The following SYNJ1 variants were observed in gnomAD, a reference collection of about 807,000 sequenced individuals.
The protein encoded by SYNJ1 is polyphosphatidylinositol phosphatase SYNJ1.
In SYNJ1, 78 loss-of-function variants were observed where a neutral mutation model predicts 168.2. The observed-to-expected ratio is 0.46, with a 90% CI of 0.39 to 0.56. The LOEUF (loss-of-function observed/expected upper bound fraction) is 0.56. SYNJ1 is among the 20% of genes least tolerant of loss of function. The probability of loss-of-function intolerance (pLI) is 0.00; values close to 1 mark genes in which losing one functional copy is unlikely to be tolerated. For missense variants in SYNJ1, 1,303 were observed against 1,597.6 expected (o/e 0.82, Z 3.14); for synonymous variants, 539 against 548.6 (o/e 0.98, Z 0.24).
chr21:32,666,299 C>T lies in SYNJ1; in HGVS notation c.1952+134G>A, dbSNP rs1031518931. The T allele has an allele frequency of 4.8e-6, 7 of 1,459,874 alleles. No individual in the cohort carries two copies. In the African/African-American group the frequency reaches 7.1e-5, roughly 15 times the overall value. 90.4% of individuals were successfully genotyped at this position (1,459,874 alleles called of 1,614,324 possible). ...GCTATTGGTGAGTCTTTAATCAAAA[C>T]CCCCAAAACCCCATTTTAAAACAAG... On this transcript the variant is annotated intron_variant, in intron 16 of 32. Coordinates refer to ENST00000674351, the MANE Select transcript of SYNJ1 (RefSeq NM_203446.3).
At chr21:32,651,588 T>C (rs2040271988) in intron 22 of SYNJ1, among the ~76,000 whole-genome samples, 1 of 152,236 alleles carries the variant, frequency 6.6e-6, no homozygotes, top group South Asian at 2.1e-4. Flanking sequence ...AATTCTTTTA[T>C]ATTCATCAAA....
chr21:32,656,056 T>C (rs962224458), intron 21 of SYNJ1, among the ~76,000 whole-genome samples: 1 of 152,248 alleles, frequency 6.6e-6, no homozygotes, highest in Non-Finnish European at 1.5e-5. Context: ...TATAGGGTTT[T>C]GTTACATGTT....
intron 23 of SYNJ1, among the ~76,000 whole-genome samples, chr21:32,648,305 T>A (rs921306039): frequency 9.9e-5 from 15 of 152,162 alleles, no homozygotes; most frequent in Non-Finnish European, 5.9e-5. Context: ...TAAAGAGTTG[T>A]CTACAGACAC....
chr21:32,646,622 A>T lies in SYNJ1; in HGVS notation c.3038-20T>A. ...CATCACCTAAGGAAAAGCAGGCTTG[A>T]TCAGAGATAACTCCATTTTAACTTG... On this transcript the variant is annotated intron_variant, in intron 23 of 32. Transcript: ENST00000674351. 6.3e-7 allele frequency: 1 copy of T among 1,593,726 alleles called. No individual in the cohort carries two copies. The highest frequency in any genetic ancestry group is 8.6e-7 in the Non-Finnish European group (1 of 1,161,578).
intron 21 of SYNJ1, 30 bp downstream of exon 21, chr21:32,656,657 C>T: frequency 1.3e-6 from 2 of 1,560,740 alleles, no homozygotes; most frequent in Non-Finnish European, 1.7e-6. Context: ...TTATGAATCA[C>T]AAGCTACTTT....
At position 32,726,853 on chromosome 21, in the gene SYNJ1, G is replaced by A. The variant is rs61755328; in HGVS notation, c.43C>T (p.Pro15Ser). The change falls in exon 2 of 33, where the codon CCC becomes TCC. Residue 15 changes from proline (P) to serine (S), a missense_variant. By Grantham distance (74) the Pro-to-Ser change is moderately conservative. Transcript: ENST00000674351. The part of the protein sequence containing the change: ...KGFRIYHKLD[P>S]PPFSLIVETR... ...TCCACTATGAGGCTGAAAGGTGGGGGATCCAATTTGTGATAGATCCGGAAT... is the reference window on the plus strand; with the variant it reads ...TCCACTATGAGGCTGAAAGGTGGGGAATCCAATTTGTGATAGATCCGGAAT... 7.5e-4 allele frequency: 1,218 copies of A among 1,614,100 alleles called. 8 individuals carry two copies. The African/African-American group carries it at 0.014, about 19-fold the overall frequency.
chr21:32,682,837 C>T lies in SYNJ1; in HGVS notation c.1201-1189G>A, dbSNP rs2041676589. ...TTATCAGAATCCATGTACATTTATT[C>T]AGCCACTTAAAACTTGAAACAAATC... On this transcript the variant is annotated intron_variant, in intron 10 of 32. Transcript: ENST00000674351. Among the ~76,000 whole-genome samples, 4 of 152,102 alleles carry T rather than the reference C, an allele frequency of 2.6e-5. No homozygotes were observed. In the South Asian group the frequency reaches 6.2e-4, roughly 24 times the overall value.
rs2039285477 is a variant in SYNJ1 at position 32,630,733 on chromosome 21, A to G, written c.*1072T>C. The G allele has an allele frequency of 3.5e-6, 1 of 285,506 alleles. No homozygotes were observed. The highest frequency in any genetic ancestry group is 6.6e-6 in the Non-Finnish European group (1 of 152,510). 17.7% of individuals were successfully genotyped at this position (285,506 alleles called of 1,614,324 possible). On this transcript the variant is annotated 3_prime_UTR_variant, in exon 33 of 33. Coordinates refer to ENST00000674351, the MANE Select transcript of SYNJ1 (RefSeq NM_203446.3). Reference sequence around the variant, plus strand: ...AGTTTCTGAATAAGGACTGTTTTCTAAAGTATAAGTACTTTTTATGGCTAC... The same window carrying G: ...AGTTTCTGAATAAGGACTGTTTTCTGAAGTATAAGTACTTTTTATGGCTAC...
chr21:32,646,644 C>CT (rs2040084753), intron 23 of SYNJ1, 42 bp from the exon 24 acceptor site: 1 of 1,513,538 alleles, frequency 6.6e-7, no homozygotes, highest in Non-Finnish European at 9.2e-7. Flanking sequence ...TCCATTTTAA[C>CT]TTGCTCAGAG....
chr21:32,673,000 A>G (rs146395454), intron 14 of SYNJ1, among the ~76,000 whole-genome samples: 2 of 152,322 alleles, frequency 1.3e-5, no homozygotes, highest in African/African-American at 4.8e-5. Context: ...ATCTTGGTTT[A>G]TGTCCATTTA....
intron 9 of SYNJ1, among the ~76,000 whole-genome samples, chr21:32,684,571 A>C (rs2041750821): frequency 6.6e-6 from 1 of 152,202 alleles, no homozygotes; most frequent in South Asian, 2.1e-4. Flanking sequence ...CCCTTAACCT[A>C]TATTCTGAAC....
At chr21:32,699,323 C>T (rs947340690) in intron 4 of SYNJ1, among the ~76,000 whole-genome samples, 8 of 152,178 alleles carry the variant, frequency 5.3e-5, no homozygotes, top group African/African-American at 1.9e-4. Context: ...TTGGGGGATC[C>T]TCCCTTACTG....
intron 13 of SYNJ1, among the ~76,000 whole-genome samples, chr21:32,675,621 A>T (rs1221276481): frequency 5.3e-5 from 8 of 152,222 alleles, no homozygotes; most frequent in Non-Finnish European, 1.5e-5. Context: ...AATCCTTTTC[A>T]ACTAAATTTC....
intron 2 of SYNJ1, 53 bp downstream of exon 2, chr21:32,726,719 G>T: frequency 6.2e-7 from 1 of 1,601,738 alleles, no homozygotes; most frequent in East Asian, 2.2e-5. Flanking sequence ...CATCTGAATT[G>T]TTTCAAATCA....
At chr21:32,700,859 G>C in intron 3 of SYNJ1, among the ~76,000 whole-genome samples, 1 of 152,208 alleles carries the variant, frequency 6.6e-6, no homozygotes, top group Middle Eastern at 3.4e-3. Context: ...ATGACAAATG[G>C]ACAAAAGTCT....
In SYNJ1 at chr21:32,702,007, T is replaced by C. The variant is rs141138675; in HGVS notation, c.165A>G (p.Lys55=). ...CTAAGAGTCCATATGCATCCAGTACTTTGGAGTATGTACCCTTGATTGCCT... is the reference window on the plus strand; with the variant it reads ...CTAAGAGTCCATATGCATCCAGTACCTTGGAGTATGTACCCTTGATTGCCT... The part of the protein sequence containing the change: ...EKEAIKGTYS[K]VLDAYGLLGV... The change falls in exon 3 of 33, where the codon AAA becomes AAG. Residue 55 remains lysine (K), a synonymous_variant. Transcript: ENST00000674351. 44 of 1,579,452 alleles carry C rather than the reference T, an allele frequency of 2.8e-5. No individual in the cohort carries two copies. The highest frequency in any genetic ancestry group is 1.7e-4 in the Middle Eastern group (1 of 5,950).
At position 32,631,593 on chromosome 21, in the gene SYNJ1, G is replaced by A. The variant is rs754791304; in HGVS notation, c.*212C>T. Reference sequence around the variant, plus strand: ...ACTCCGAGCTGGAATTGGAGGCATTGTTGGCATGCAACTTACAGAACTCAA... The same window carrying A: ...ACTCCGAGCTGGAATTGGAGGCATTATTGGCATGCAACTTACAGAACTCAA... On this transcript the variant is annotated 3_prime_UTR_variant, in exon 33 of 33. Coordinates refer to ENST00000674351, the MANE Select transcript of SYNJ1 (RefSeq NM_203446.3). The A allele has an allele frequency of 4.3e-6, 7 of 1,609,734 alleles. No homozygotes were observed. The Admixed American group carries it at 8.4e-5, about 19-fold the overall frequency.
At chr21:32,676,222 G>A (rs2041401959) in intron 13 of SYNJ1, 110 bp downstream of exon 13, 1 of 803,750 alleles carries the variant, frequency 1.2e-6, no homozygotes, top group African/African-American at 1.8e-5. Context: ...AGGATCTGAT[G>A]GCAAAATGAG....
chr21:32,672,059 C>CAAAAAAAAAAACAAAAAA (rs2041215617), intron 14 of SYNJ1, among the ~76,000 whole-genome samples: 1 of 24,664 alleles, frequency 4.1e-5, no homozygotes, highest in Non-Finnish European at 7.2e-5. Flanking sequence ...AACTCAATCT[C>CAAAAAAAAAAACAAAAAA]AAAAAAAAAA....
Sources: allele counts gnomAD v4.1 joint callset (sites outside exome capture counted in the v4.1 genomes callset), GRCh38; gene constraint gnomAD v4.1.1; transcripts MANE v1.5; gene names NCBI Gene and HGNC (gene_info 2026-07-23, HGNC 2026-07-21).